Variants in ROBO2 observed in about 807,000 individuals in gnomAD.
ROBO2 encodes roundabout guidance receptor 2, also known as roundabout homolog 2.
Under a neutral mutation model 160.8 loss-of-function variants are expected in ROBO2, and 53 were observed. The observed-to-expected ratio is 0.33, with a 90% CI of 0.26 to 0.41. The LOEUF (loss-of-function observed/expected upper bound fraction) is 0.41, where lower values mean the gene tolerates loss of function less well. ROBO2 is among the 10% of genes least tolerant of loss of function. The probability of loss-of-function intolerance (pLI) is 1.00; values close to 1 mark genes in which losing one functional copy is unlikely to be tolerated. For synonymous variants in ROBO2, 664 were observed against 611.7 expected, an observed-to-expected ratio of 1.09 and a Z score of -1.26; for missense variants, 1,577 against 1,722.4, an observed-to-expected ratio of 0.92 and a Z score of 1.49.
intron 2 of ROBO2, among the ~76,000 whole-genome samples, chr3:76,524,632 TCTTATC>T (rs1204480463): frequency 1.3e-5 from 2 of 151,516 alleles, no homozygotes; most frequent in African/African-American, 4.8e-5. Flanking sequence ...AGTTGATTTC[TCTTATC>T]CTTATACTAC....
intron 2 of ROBO2, among the ~76,000 whole-genome samples, chr3:76,718,837 A>G (rs567625756): frequency 6.6e-6 from 1 of 152,288 alleles, no homozygotes; most frequent in African/African-American, 2.4e-5. Context: ...ACTGAAAACC[A>G]TTGCCTAGAA....
chr3:76,630,841 G>A (rs1019313399), intron 2 of ROBO2, among the ~76,000 whole-genome samples: 6 of 152,218 alleles, frequency 3.9e-5, no homozygotes, highest in South Asian at 2.1e-4. Flanking sequence ...TTCTTAAACC[G>A]TGGTTATCCT....
chr3:76,422,769 TA>T (rs2076047610), intron 2 of ROBO2, among the ~76,000 whole-genome samples: 1 of 152,184 alleles, frequency 6.6e-6, no homozygotes, highest in Non-Finnish European at 1.5e-5. Flanking sequence ...AAAATAGAAG[TA>T]AATAAGATGT....
At chr3:77,561,959 C>G (rs891704435) in intron 9 of ROBO2, among the ~76,000 whole-genome samples, 3 of 152,026 alleles carry the variant, frequency 2.0e-5, no homozygotes, top group Middle Eastern at 3.4e-3. Flanking sequence ...CAATGTTAGT[C>G]AGGCATGGTG....
chr3:76,216,160 G>T (rs1279790134), intron 2 of ROBO2, among the ~76,000 whole-genome samples: 1 of 152,102 alleles, frequency 6.6e-6, no homozygotes, highest in African/African-American at 2.4e-5. Context: ...CCTGAAGGAA[G>T]CACTAAACAT....
At chr3:77,122,197 A>C (rs1453890204) in intron 2 of ROBO2, among the ~76,000 whole-genome samples, 2 of 152,172 alleles carry the variant, frequency 1.3e-5, no homozygotes, top group African/African-American at 4.8e-5. Flanking sequence ...TACACAGATG[A>C]AGTAGATAAC....
At chr3:77,517,702 A>T (rs979507626) in intron 5 of ROBO2, among the ~76,000 whole-genome samples, 2 of 151,450 alleles carry the variant, frequency 1.3e-5, no homozygotes, top group Non-Finnish European at 3.0e-5. Context: ...AATGTCCAGA[A>T]ATAAACAATT....
chr3:76,600,547 GAGAATA>G (rs1409385540), intron 2 of ROBO2, among the ~76,000 whole-genome samples: 1 of 152,158 alleles, frequency 6.6e-6, no homozygotes, highest in Non-Finnish European at 1.5e-5. Flanking sequence ...AGGCAAGAGA[GAGAATA>G]AGAACCAAGT....
intron 2 of ROBO2, among the ~76,000 whole-genome samples, chr3:76,601,213 G>C (rs1218214532): frequency 1.3e-5 from 2 of 152,172 alleles, no homozygotes; most frequent in Non-Finnish European, 2.9e-5. Flanking sequence ...CTGGTGTTGA[G>C]TGCCTGAAGC....
At chr3:76,962,365 A>G (rs755501496) in intron 2 of ROBO2, among the ~76,000 whole-genome samples, 1 of 151,832 alleles carries the variant, frequency 6.6e-6, no homozygotes. Context: ...ACCACTGGCC[A>G]TGGTGGCTCA....
chr3:77,083,634 C>A (rs755240310), intron 1 of ROBO2, among the ~76,000 whole-genome samples: 18 of 151,996 alleles, frequency 1.2e-4, no homozygotes, highest in South Asian at 2.1e-4. Flanking sequence ...AAATGAGAGG[C>A]AGTCAGTTCC....
intron 2 of ROBO2, among the ~76,000 whole-genome samples, chr3:77,108,251 C>CATATATATGTATACACATGTGCATAT (rs2073092754): frequency 8.2e-6 from 1 of 121,438 alleles, no homozygotes; most frequent in Non-Finnish European, 1.7e-5. Flanking sequence ...TACACATATG[C>CATATATATGTATACACATGTGCATAT]ATATATATGT....
At chr3:76,639,578 A>G (rs144462282) in intron 2 of ROBO2, among the ~76,000 whole-genome samples, 11 of 152,212 alleles carry the variant, frequency 7.2e-5, no homozygotes, top group African/African-American at 2.6e-4. Flanking sequence ...TGTCTATACC[A>G]TCATTTCTAC....
intron 2 of ROBO2, among the ~76,000 whole-genome samples, chr3:76,029,231 A>G (rs2066839591): frequency 6.6e-6 from 1 of 152,098 alleles, no homozygotes; most frequent in Admixed American, 6.6e-5. Context: ...GGAAGTTAAC[A>G]TGAAAAATTA....
intron 2 of ROBO2, among the ~76,000 whole-genome samples, chr3:76,527,212 C>T (rs1377102000): frequency 6.6e-6 from 1 of 151,752 alleles, no homozygotes; most frequent in East Asian, 1.9e-4. Flanking sequence ...TCACAAAAGC[C>T]AGAGTGATAA....
intron 2 of ROBO2, among the ~76,000 whole-genome samples, chr3:76,879,240 A>G (rs2073095323): frequency 6.6e-6 from 1 of 152,128 alleles, no homozygotes; most frequent in Non-Finnish European, 1.5e-5. Flanking sequence ...AAAATCATGT[A>G]TTCACTTTCA....
Position 76,744,710 on chromosome 3 carries a change from T to C in ROBO2, c.110-353304T>C, listed in dbSNP as rs539143298. 5.1e-4 allele frequency among the ~76,000 whole-genome samples: 78 copies of C among 152,170 alleles called. 1 individual carries two copies. The highest frequency in any genetic ancestry group is 1.8e-3 in the African/African-American group (76 of 41,520). On this transcript the variant is annotated intron_variant, in intron 2 of 26. Coordinates refer to the ROBO2 transcript ENST00000487694. ...CCTTGGCTTGTAGATAGCCATCTTC[T>C]CCCAGTGTCTTCAGAGGATCTTGAG...
chr3:77,277,840 A>G (rs2059991188), intron 2 of ROBO2, among the ~76,000 whole-genome samples: 1 of 152,184 alleles, frequency 6.6e-6, no homozygotes, highest in Admixed American at 6.5e-5. Context: ...GCCGGGTCAA[A>G]CAGGATTGTC....
chr3:75,920,176 A>T (rs538960762), intron 1 of ROBO2, among the ~76,000 whole-genome samples: 1 of 152,286 alleles, frequency 6.6e-6, no homozygotes, highest in East Asian at 1.9e-4. Context: ...AATGCTATAA[A>T]TTTCCCTCTA....
Sources: allele counts gnomAD v4.1 joint callset (sites outside exome capture counted in the v4.1 genomes callset), GRCh38; gene constraint gnomAD v4.1.1; transcripts MANE v1.5; gene names NCBI Gene and HGNC (gene_info 2026-07-23, HGNC 2026-07-21).